Variants in PARD6G observed in about 807,000 individuals in gnomAD.
The protein encoded by PARD6G is par-6 family cell polarity regulator gamma, also known as partitioning defective 6 homolog gamma.
A neutral mutation model predicts 10.7 loss-of-function variants in PARD6G; 7 were observed. The observed-to-expected ratio is 0.66, with a 90% CI of 0.37 to 1.23. PARD6G has a LOEUF of 1.23. PARD6G is among the 50% of genes most tolerant of loss of function. PARD6G has a pLI of 0.02. For missense variants in PARD6G, 548 were observed against 571.8 expected (o/e 0.96, Z 0.42); for synonymous variants, 287 against 269.4 (o/e 1.07, Z -0.64).
At chr18:80,190,564 C>T (rs1966889003) in intron 2 of PARD6G, among the ~76,000 whole-genome samples, 1 of 152,180 alleles carries the variant, frequency 6.6e-6, no homozygotes, top group African/African-American at 2.4e-5. Context: ...GGCATGGAAG[C>T]AGGCCCAGAC....
rs550161096 is a variant in PARD6G at position 80,175,501 on chromosome 18, G to A, written c.296-14895C>T. Among the ~76,000 whole-genome samples the A allele has an allele frequency of 5.3e-5, 8 of 152,126 alleles. No individual in the cohort carries two copies. The highest frequency in any genetic ancestry group is 7.3e-5 in the Non-Finnish European group (5 of 68,028). The stretch of plus-strand genomic sequence containing the variant: ...GATTAGGTCAGGGCTTCGTCCTTAC[G>A]ATCTTATTTAACCTTCATCACCCCC... On this transcript the variant is annotated intron_variant, in intron 2 of 2. Transcript: ENST00000353265. This position sits in a 1 kb window ranked among gnomAD's most constrained non-coding sequence, Gnocchi z 6.7.
At chr18:80,198,025 A>G (rs1482211936) in intron 2 of PARD6G, among the ~76,000 whole-genome samples, 1 of 152,212 alleles carries the variant, frequency 6.6e-6, no homozygotes, top group Admixed American at 6.5e-5. Flanking sequence ...GGCTTTTCAC[A>G]GTCCCTGGCC....
rs931580387 is a variant in PARD6G at position 80,183,190 on chromosome 18, G to C, written c.295+19520C>G. 1 of 702,998 alleles carries C rather than the reference G, an allele frequency of 1.4e-6. No individual in the cohort carries two copies. The highest frequency in any genetic ancestry group is 2.7e-5 in the East Asian group (1 of 37,278). 43.5% of individuals were successfully genotyped at this position (702,998 alleles called of 1,614,324 possible). A position where few individuals can be genotyped will look rare whatever the true frequency, so the allele number is the denominator to read the frequency against. On this transcript the variant is annotated intron_variant, in intron 2 of 2. Transcript: ENST00000353265. This position sits in a 1 kb window ranked among gnomAD's most constrained non-coding sequence, Gnocchi z 4.5. ...GTGAAGAAGTGGAGGGCCTTGCAATGTGAAAGGGTGGGAGAGAGAAAGCCA... is the reference window on the plus strand; with the variant it reads ...GTGAAGAAGTGGAGGGCCTTGCAATCTGAAAGGGTGGGAGAGAGAAAGCCA...
At chr18:80,185,542 C>G (rs565125888) in intron 2 of PARD6G, among the ~76,000 whole-genome samples, 1 of 152,166 alleles carries the variant, frequency 6.6e-6, no homozygotes, top group East Asian at 1.9e-4. Flanking sequence ...CTGAATGTCA[C>G]ACGACCTAGA....
intron 1 of PARD6G, among the ~76,000 whole-genome samples, chr18:80,232,352 G>A (rs373691977): frequency 1.3e-5 from 2 of 152,246 alleles, no homozygotes; most frequent in East Asian, 3.9e-4. Context: ...TGTGCTCCTT[G>A]CATGTATTAG....
In PARD6G at chr18:80,184,014, G is replaced by T. The variant is rs1278813519; in HGVS notation, c.295+18696C>A. The T allele has an allele frequency of 6.6e-6, 1 of 152,160 alleles. No homozygotes were observed. The highest frequency in any genetic ancestry group is 2.4e-5 in the African/African-American group (1 of 41,428). The allele number at this position is 152,160 out of a possible 1,614,324, so 9.4% of individuals were successfully genotyped here. ...TTTTACATATATGTTAGCGGTCAAA[G>T]AACTCTGTTTTTCTTGGTCCAAACC... is the stretch of plus-strand genomic sequence containing the variant. On this transcript the variant is annotated intron_variant, in intron 2 of 2. Coordinates refer to ENST00000353265, the MANE Select transcript of PARD6G (RefSeq NM_032510.4). This position sits in a 1 kb window ranked among gnomAD's most constrained non-coding sequence, Gnocchi z 4.5.
At chr18:80,191,993 A>C (rs776983799) in intron 2 of PARD6G, among the ~76,000 whole-genome samples, 1 of 152,230 alleles carries the variant, frequency 6.6e-6, no homozygotes, top group Non-Finnish European at 1.5e-5. Flanking sequence ...GCCAAATCTA[A>C]AATTGGTCAA....
intron 1 of PARD6G, among the ~76,000 whole-genome samples, chr18:80,225,104 G>T: frequency 6.6e-6 from 1 of 152,292 alleles, no homozygotes; most frequent in Non-Finnish European, 1.5e-5. Context: ...TGATCAAAGT[G>T]CAGCTCTGGC....
intron 1 of PARD6G, among the ~76,000 whole-genome samples, chr18:80,223,238 G>A (rs2145295684): frequency 6.6e-6 from 1 of 151,800 alleles, no homozygotes; most frequent in East Asian, 1.9e-4. Context: ...GCCAAAAGCA[G>A]AAACCACAAA....
rs1385535016 is a variant in PARD6G, at chr18:80,180,411, G to A, written c.296-19805C>T. Among the ~76,000 whole-genome samples, 1 of 152,170 alleles carries A rather than the reference G, an allele frequency of 6.6e-6. No homozygotes were observed. The highest frequency in any genetic ancestry group is 1.5e-5 in the Non-Finnish European group (1 of 68,018). On this transcript the variant is annotated intron_variant, in intron 2 of 2. Coordinates refer to ENST00000353265, the MANE Select transcript of PARD6G (RefSeq NM_032510.4). This position sits in a 1 kb window ranked among gnomAD's most constrained non-coding sequence, Gnocchi z 5.6. ...ATGCAGCACTGTGCTCTTCCTGGGG[G>A]CTGTGGCCTCACAGAGGCTCCCAGG...
chr18:80,209,534 G>T (rs1191714038), intron 1 of PARD6G, among the ~76,000 whole-genome samples: 2 of 152,212 alleles, frequency 1.3e-5, no homozygotes, highest in African/African-American at 2.4e-5. Flanking sequence ...CATCTGGCTA[G>T]GTGTGGTGGC....
chr18:80,217,052 A>G (rs918953740), intron 1 of PARD6G, among the ~76,000 whole-genome samples: 1 of 152,192 alleles, frequency 6.6e-6, no homozygotes, highest in Non-Finnish European at 1.5e-5. Context: ...GGAAATATAC[A>G]TGATGTGCCT....
intron 1 of PARD6G, among the ~76,000 whole-genome samples, chr18:80,204,156 A>C (rs949528909): frequency 4.3e-4 from 65 of 152,208 alleles, no homozygotes; most frequent in African/African-American, 1.5e-3. Flanking sequence ...CGGGATCTTT[A>C]TTCATCAGGT....
intron 1 of PARD6G, among the ~76,000 whole-genome samples, chr18:80,229,789 G>A (rs918233978): frequency 6.6e-6 from 1 of 152,194 alleles, no homozygotes; most frequent in Non-Finnish European, 1.5e-5. Context: ...GAAATAACTG[G>A]GTGAAGCGTG....
At chr18:80,237,080 A>C (rs191631557) in intron 1 of PARD6G, among the ~76,000 whole-genome samples, 3,867 of 152,184 alleles carry the variant, frequency 0.025, 160 homozygotes, top group African/African-American at 0.088. Context: ...GGAGGCATCA[A>C]GCTACCTGAC....
At chr18:80,214,274 G>A (rs979281175) in intron 1 of PARD6G, among the ~76,000 whole-genome samples, 5 of 152,036 alleles carry the variant, frequency 3.3e-5, no homozygotes, top group East Asian at 3.9e-4. Context: ...CCTGGCCAAC[G>A]TGGTGAAACC....
At chr18:80,179,705 C>T (rs1417282785) in intron 2 of PARD6G, among the ~76,000 whole-genome samples, 3 of 152,266 alleles carry the variant, frequency 2.0e-5, no homozygotes, top group Non-Finnish European at 2.9e-5. Context: ...AGCGACTGCA[C>T]CTCCTCCTCA....
At chr18:80,210,982 T>C (rs893837858) in intron 1 of PARD6G, among the ~76,000 whole-genome samples, 1 of 138,240 alleles carries the variant, frequency 7.2e-6, no homozygotes, top group South Asian at 2.2e-4. Flanking sequence ...GACAGACAAA[T>C]GGAACTATTC....
intron 1 of PARD6G, among the ~76,000 whole-genome samples, chr18:80,210,156 C>G (rs1242844036): frequency 6.6e-6 from 1 of 152,144 alleles, no homozygotes; most frequent in African/African-American, 2.4e-5. Context: ...CAGCTAGGAG[C>G]CTGGGAAGCA....
Sources: allele counts gnomAD v4.1 joint callset (sites outside exome capture counted in the v4.1 genomes callset), GRCh38; gene constraint gnomAD v4.1.1; non-coding constraint Gnocchi (gnomAD v3.1); transcripts MANE v1.5; gene names NCBI Gene and HGNC (gene_info 2026-07-23, HGNC 2026-07-21).